CAMKMT: variants seen among roughly 807,000 people sequenced by gnomAD.
CAMKMT encodes CaM KMT.
Under a neutral mutation model 48.0 loss-of-function variants are expected in CAMKMT, and 53 were observed. The ratio of observed to expected loss-of-function variants is 1.10; its 90% CI spans 0.89 to 1.39. The LOEUF (loss-of-function observed/expected upper bound fraction) is 1.39, where lower values mean the gene tolerates loss of function less well. Ranked by LOEUF, CAMKMT falls within the 40% of genes most tolerant of loss-of-function variation. CAMKMT has a pLI of 0.00. For synonymous variants in CAMKMT, 165 were observed against 152.3 expected (o/e 1.08, Z -0.61); for missense variants, 428 against 402.7 (o/e 1.06, Z -0.54).
intron 3 of CAMKMT, among the ~76,000 whole-genome samples, chr2:44,648,557 C>T (rs537336521): frequency 6.6e-6 from 1 of 152,280 alleles, no homozygotes; most frequent in Non-Finnish European, 1.5e-5. Context: ...CCAATGGATG[C>T]AATAAAATCA....
At chr2:44,363,307 AT>A (rs965165916) in intron 1 of CAMKMT, among the ~76,000 whole-genome samples, 2 of 152,036 alleles carry the variant, frequency 1.3e-5, no homozygotes, top group African/African-American at 2.4e-5. Context: ...TAAATATCTA[AT>A]TTTTTTTAAT....
intron 7 of CAMKMT, among the ~76,000 whole-genome samples, chr2:44,717,742 T>A (rs1026919922): frequency 6.6e-6 from 1 of 152,060 alleles, no homozygotes; most frequent in African/African-American, 2.4e-5. Flanking sequence ...ACATGAGGTT[T>A]GTAACAGCTG....
intron 7 of CAMKMT, among the ~76,000 whole-genome samples, chr2:44,737,628 C>A (rs1028573906): frequency 2.0e-5 from 3 of 152,248 alleles, no homozygotes; most frequent in Non-Finnish European, 4.4e-5. Flanking sequence ...ACCTACTCCC[C>A]TTCAATTTTT....
intron 3 of CAMKMT, among the ~76,000 whole-genome samples, chr2:44,590,086 T>A (rs1462312836): frequency 6.6e-6 from 1 of 151,642 alleles, no homozygotes; most frequent in Non-Finnish European, 1.5e-5. Context: ...TGTCTGCTAA[T>A]ATTGACATTC....
intron 3 of CAMKMT, among the ~76,000 whole-genome samples, chr2:44,512,870 C>T (rs1390168179): frequency 6.6e-6 from 1 of 152,032 alleles, no homozygotes; most frequent in Non-Finnish European, 1.5e-5. Context: ...TGTCAGTATT[C>T]CTAGGATCTC....
At chr2:44,663,062 G>A (rs1226330462) in intron 3 of CAMKMT, among the ~76,000 whole-genome samples, 3 of 152,036 alleles carry the variant, frequency 2.0e-5, no homozygotes, top group Non-Finnish European at 4.4e-5. Flanking sequence ...AAATATTTCA[G>A]TTTATTTTTA....
At chr2:44,370,784 T>C (rs1304957317) in intron 1 of CAMKMT, among the ~76,000 whole-genome samples, 3 of 152,172 alleles carry the variant, frequency 2.0e-5, no homozygotes, top group African/African-American at 7.2e-5. Flanking sequence ...TGTATTTCTA[T>C]TGTCATTCAA....
chr2:44,709,110 G>A (rs1196602017), intron 6 of CAMKMT, among the ~76,000 whole-genome samples: 1 of 152,134 alleles, frequency 6.6e-6, no homozygotes, highest in African/African-American at 2.4e-5. Context: ...TGCCATGCCA[G>A]CTTTTGAAAT....
At chr2:44,731,181 A>G (rs1679060781) in intron 7 of CAMKMT, among the ~76,000 whole-genome samples, 1 of 152,160 alleles carries the variant, frequency 6.6e-6, no homozygotes, top group Non-Finnish European at 1.5e-5. Flanking sequence ...TCTCTACTAT[A>G]AGTACAAAAA....
intron 3 of CAMKMT, among the ~76,000 whole-genome samples, chr2:44,551,243 C>T (rs915744019): frequency 3.3e-5 from 5 of 152,106 alleles, no homozygotes; most frequent in African/African-American, 1.2e-4. Flanking sequence ...TCATGCAGTG[C>T]GTGGGCATGC....
At chr2:44,721,553 T>C (rs1245321665) in intron 7 of CAMKMT, among the ~76,000 whole-genome samples, 2 of 152,192 alleles carry the variant, frequency 1.3e-5, no homozygotes, top group African/African-American at 4.8e-5. Flanking sequence ...TTTATTGAGA[T>C]ATAATTTACT....
In CAMKMT at chr2:44,608,274, G is replaced by T. The variant is rs539675965; in HGVS notation, c.377-96009G>T. ...TTTTTAGTAGAGACGGGGTTTCACC[G>T]TGTTAGCCAAGATGGTCTCGATCTC... On this transcript the variant is annotated intron_variant, in intron 3 of 10. Coordinates refer to ENST00000378494, the MANE Select transcript of CAMKMT (RefSeq NM_024766.5). Among the ~76,000 whole-genome samples the T allele has an allele frequency of 1.1e-4, 16 of 151,812 alleles. No individual in the cohort carries two copies. In the East Asian group the frequency reaches 2.9e-3, roughly 28 times the overall value.
intron 3 of CAMKMT, among the ~76,000 whole-genome samples, chr2:44,402,856 TC>T (rs1682519373): frequency 6.6e-6 from 1 of 151,270 alleles, no homozygotes; most frequent in Non-Finnish European, 1.5e-5. Context: ...CTTAGCTTTT[TC>T]CCCCATAGCA....
At chr2:44,417,957 C>A (rs977526598) in intron 3 of CAMKMT, among the ~76,000 whole-genome samples, 2 of 152,118 alleles carry the variant, frequency 1.3e-5, no homozygotes, top group Admixed American at 6.5e-5. Context: ...CTTTGGGAAG[C>A]CGAGGCGGGT....
At chr2:44,436,416 A>G (rs1236762319) in intron 3 of CAMKMT, among the ~76,000 whole-genome samples, 1 of 152,102 alleles carries the variant, frequency 6.6e-6, no homozygotes, top group African/African-American at 2.4e-5. Context: ...CTCCTCAGAT[A>G]GGGCAGATAA....
At chr2:44,435,158 C>A (rs1353751940) in intron 3 of CAMKMT, among the ~76,000 whole-genome samples, 1 of 152,110 alleles carries the variant, frequency 6.6e-6, no homozygotes, top group South Asian at 2.1e-4. Flanking sequence ...AATTTTGTAA[C>A]CTCGATTTTA....
At chr2:44,551,912 C>T (rs1667735054) in intron 3 of CAMKMT, among the ~76,000 whole-genome samples, 1 of 152,120 alleles carries the variant, frequency 6.6e-6, no homozygotes, top group African/African-American at 2.4e-5. Context: ...CCTTTGTTGG[C>T]AATATTATAC....
chr2:44,709,141 C>G (rs1677733060), intron 6 of CAMKMT, among the ~76,000 whole-genome samples: 1 of 152,164 alleles, frequency 6.6e-6, no homozygotes, highest in Non-Finnish European at 1.5e-5. Context: ...ATCTCAGATT[C>G]TGTATTCATT....
intron 9 of CAMKMT, among the ~76,000 whole-genome samples, chr2:44,765,867 T>G (rs929974005): frequency 6.6e-6 from 1 of 152,240 alleles, no homozygotes; most frequent in African/African-American, 2.4e-5. Flanking sequence ...CTGGAGCCTG[T>G]ATCTGACAGC....
Sources: gnomAD v4.1 joint callset for allele counts (sites outside exome capture counted in the v4.1 genomes callset) on GRCh38, gnomAD v4.1.1 for gene constraint, MANE v1.5 for transcripts, NCBI Gene and HGNC (gene_info 2026-07-23, HGNC 2026-07-21) for gene names.